SGTB: variants seen among roughly 807,000 people sequenced by gnomAD.
SGTB encodes small glutamine-rich tetratricopeptide repeat-containing protein beta.
A neutral mutation model predicts 43.9 loss-of-function variants in SGTB; 19 were observed. That is an observed-to-expected ratio of 0.43 (90% CI 0.30 to 0.63). The LOEUF is 0.63. Ranked by LOEUF, SGTB falls within the 30% of genes least tolerant of loss-of-function variation. The pLI is 0.12. For synonymous variants in SGTB, 116 were observed against 117.3 expected (o/e 0.99, Z 0.07); for missense variants, 304 against 358.9 (o/e 0.85, Z 1.24).
Position 65,671,984 on chromosome 5 carries a change from A to G in SGTB, c.734T>C (p.Met245Thr). The change falls in exon 10 of 11, where the codon ATG becomes ACG. Residue 245 changes from methionine to threonine, a missense_variant. By Grantham distance (81) the Met-to-Thr change is moderately conservative (BLOSUM62 -1). Coordinates refer to ENST00000381007, the MANE Select transcript of SGTB (RefSeq NM_019072.3). ...PQVQQLMSGM[M>T]TNAIGGPAAG... ...AGCAGGTCCCCCAATGGCATTTGTC[A>G]TCATTCCTGACATTCTAGAGTACAC... 2 of 1,614,012 alleles carry G rather than the reference A, an allele frequency of 1.2e-6. No homozygotes were observed. The highest frequency in any genetic ancestry group is 1.7e-5 in the Admixed American group (1 of 59,996).
chr5:65,687,616 C>T lies in SGTB; in HGVS notation c.375-2144G>A, dbSNP rs147125228. Among the ~76,000 whole-genome samples, 6 of 152,278 alleles carry T rather than the reference C, an allele frequency of 3.9e-5. No individual in the cohort carries two copies. The East Asian group carries it at 1.2e-3, about 29-fold the overall frequency. On this transcript the variant is annotated intron_variant, in intron 5 of 10. Transcript: ENST00000381007. ...GCTCTTGTCGACAGGTGATTTTAGT[C>T]CATAGAGCCAGGAAGGTCCCTCAGA...
intron 6 of SGTB, 122 bp from the exon 7 acceptor site, chr5:65,680,916 TTCACTGTACTATGGC>T: frequency 9.1e-7 from 1 of 1,098,230 alleles, no homozygotes; most frequent in Non-Finnish European, 1.3e-6. Context: ...ACTTAATTTA[TTCACTGTACTATGGC>T]TCACGGGAGC....
intron 4 of SGTB, among the ~76,000 whole-genome samples, chr5:65,705,149 G>A (rs1757905325): frequency 6.6e-6 from 1 of 152,152 alleles, no homozygotes; most frequent in Admixed American, 6.5e-5. Flanking sequence ...AAGAACCAAT[G>A]GTTCAAAATA....
chr5:65,708,310 C>A (rs572088271), intron 4 of SGTB, among the ~76,000 whole-genome samples, 179 bp downstream of exon 4: 2 of 152,308 alleles, frequency 1.3e-5, no homozygotes, highest in East Asian at 3.9e-4. Flanking sequence ...GTACTGCCCA[C>A]AAGCCATTCT....
chr5:65,679,673 C>T (rs917060527), intron 8 of SGTB, among the ~76,000 whole-genome samples: 5 of 151,652 alleles, frequency 3.3e-5, no homozygotes, highest in Admixed American at 1.3e-4. Context: ...CAGATGCTGG[C>T]GAAGTTGTGG....
chr5:65,687,240 A>G (rs746368509), intron 5 of SGTB, among the ~76,000 whole-genome samples: 1 of 152,204 alleles, frequency 6.6e-6, no homozygotes, highest in Non-Finnish European at 1.5e-5. Context: ...ACAACATGTG[A>G]GTCTGGATCA....
chr5:65,685,069 G>A (rs765090755), intron 6 of SGTB, among the ~76,000 whole-genome samples: 2 of 152,280 alleles, frequency 1.3e-5, no homozygotes, highest in Non-Finnish European at 2.9e-5. Flanking sequence ...TCACATCAGC[G>A]AGTGGAAAGG....
At chr5:65,722,523 C>G, upstream of SGTB, 1 of 1,019,936 alleles carries the variant, frequency 9.8e-7, no homozygotes, top group Admixed American at 2.4e-5. Context: ...CTCCGACGCT[C>G]CCGGGACGCA....
At chr5:65,686,318 C>T (rs144288885) in intron 5 of SGTB, among the ~76,000 whole-genome samples, 6 of 152,260 alleles carry the variant, frequency 3.9e-5, no homozygotes, top group Non-Finnish European at 8.8e-5. Context: ...GTACCCTTTG[C>T]ATTAATAAAG....
intron 7 of SGTB, 39 bp downstream of exon 7, chr5:65,680,617 G>T: frequency 6.2e-7 from 1 of 1,613,772 alleles, no homozygotes; most frequent in South Asian, 1.1e-5. Flanking sequence ...AATTGTGAAT[G>T]ACAGAAAATA....
intron 10 of SGTB, 39 bp downstream of exon 10, chr5:65,671,876 A>T: frequency 1.9e-6 from 3 of 1,585,266 alleles, no homozygotes; most frequent in Non-Finnish European, 2.6e-6. Context: ...GTAAAACATA[A>T]AATACATCTT....
At chr5:65,714,707 C>T (rs577409172) in intron 2 of SGTB, among the ~76,000 whole-genome samples, 22 of 152,104 alleles carry the variant, frequency 1.4e-4, no homozygotes, top group Middle Eastern at 3.4e-3. Context: ...CCCAGCTACT[C>T]GGGAGGCTGA....
At chr5:65,687,304 G>A (rs1757517136) in intron 5 of SGTB, among the ~76,000 whole-genome samples, 1 of 152,168 alleles carries the variant, frequency 6.6e-6, no homozygotes, top group Admixed American at 6.5e-5. Context: ...ATTCATTAAA[G>A]TTATGCTGTA....
intron 6 of SGTB, among the ~76,000 whole-genome samples, chr5:65,682,584 C>T (rs1217103956): frequency 2.6e-5 from 4 of 152,124 alleles, no homozygotes; most frequent in African/African-American, 9.7e-5. Context: ...GACAGAGTAT[C>T]AGTACTTATG....
intron 5 of SGTB, among the ~76,000 whole-genome samples, chr5:65,703,229 A>G (rs929449700): frequency 5.3e-5 from 8 of 152,228 alleles, no homozygotes; most frequent in African/African-American, 1.9e-4. Context: ...CTATCTCCCT[A>G]TTCAAAAATA....
intron 8 of SGTB, 96 bp downstream of exon 8, chr5:65,680,398 C>T (rs921153381): frequency 7.8e-7 from 1 of 1,276,500 alleles, no homozygotes; most frequent in Non-Finnish European, 1.1e-6. Flanking sequence ...ACTACAACCA[C>T]CACCACAAAA....
intron 5 of SGTB, among the ~76,000 whole-genome samples, chr5:65,698,240 C>T (rs761255304): frequency 3.9e-5 from 6 of 152,072 alleles, no homozygotes; most frequent in Non-Finnish European, 7.4e-5. Context: ...TTTTTGTAAG[C>T]AAATTTTACC....
intron 5 of SGTB, among the ~76,000 whole-genome samples, chr5:65,704,035 CAA>C (rs11405488): frequency 0.23 from 30,107 of 133,184 alleles, 3,231 homozygotes; most frequent in African/African-American, 0.26. Flanking sequence ...GACTCCGTCT[CAA>C]AAAAAAAAAA....
intron 2 of SGTB, among the ~76,000 whole-genome samples, chr5:65,713,889 C>T (rs1200346261): frequency 1.3e-5 from 2 of 151,678 alleles, no homozygotes; most frequent in African/African-American, 2.4e-5. Context: ...ATTGGCCAGG[C>T]GTGGTGGCGC....
Sources: gnomAD v4.1 joint callset for allele counts (sites outside exome capture counted in the v4.1 genomes callset) on GRCh38, gnomAD v4.1.1 for gene constraint, MANE v1.5 for transcripts, NCBI Gene and HGNC (gene_info 2026-07-23, HGNC 2026-07-21) for gene names.